Variants in DNAH1 observed in about 807,000 individuals in gnomAD.
DNAH1 encodes the protein dynein axonemal heavy chain 1.
Under a neutral mutation model 484.3 loss-of-function variants are expected in DNAH1, and 327 were observed. The observed-to-expected ratio is 0.68, with a 90% CI of 0.62 to 0.74. The LOEUF is 0.74. Among genes scored for constraint, DNAH1 ranks in the 30% least tolerant of loss-of-function variants. The pLI is 0.00. For synonymous variants in DNAH1, 2,192 were observed against 2,191.9 expected (o/e 1.00, Z 0.00); for missense variants, 5,052 against 5,546.8 (o/e 0.91, Z 2.83).
Position 52,366,790 on chromosome 3 carries a change from G to A in DNAH1, c.5668G>A (p.Gly1890Ser). The change falls in exon 36 of 78, where the codon GGT (glycine) becomes AGT (serine). Residue 1890 changes from glycine (G) to serine (S), a missense_variant. Physicochemically the swap from Gly to Ser is moderately conservative, Grantham distance 56. Transcript: ENST00000420323. ...ACTGAAAGGGCAGCCATCCATCAGT[G>A]GTGGCATGTACGAGGCTGTCAACTA... ...TSLKGQPSIS[G>S]GMYEAVNYYV... 1 of 1,613,900 alleles carries A rather than the reference G, an allele frequency of 6.2e-7. No homozygotes were observed. Among genetic ancestry groups the A allele is most frequent in the Non-Finnish European group, 8.5e-7 (1 of 1,179,844 alleles).
At chr3:52,323,970 T>C (rs910350935) in intron 3 of DNAH1, 90 bp downstream of exon 3, 2 of 1,003,066 alleles carry the variant, frequency 2.0e-6, no homozygotes, top group African/African-American at 1.6e-5. Flanking sequence ...TTCTTGGCTG[T>C]GGGCCCCAGC....
In DNAH1 at chr3:52,391,244, C is replaced by T. The variant is rs199553284; in HGVS notation, c.9807C>T (p.Asn3269=). Residue 3269 remains asparagine, a synonymous_variant, in exon 62 of 78, where the codon AAC becomes AAT. Transcript: ENST00000420323. The part of the protein sequence containing the change: ...SDRDFLRSME[N]AIRFGKPCLL... ...GCGACTTCCTGCGCAGCATGGAGAA[C>T]GCCATCCGCTTTGGCAAGCCATGTC... The T allele has an allele frequency of 4.7e-4, 759 of 1,613,748 alleles. 2 individuals are homozygous for T. In the African/African-American group the frequency reaches 7.8e-3, roughly 17 times the overall value.
intron 65 of DNAH1, 93 bp from the exon 66 acceptor site, chr3:52,393,241 C>G: frequency 6.3e-7 from 1 of 1,575,708 alleles, no homozygotes; most frequent in Non-Finnish European, 8.7e-7. Flanking sequence ...GCTGCCCCTA[C>G]GGCTGCTGGG....
chr3:52,348,219 G>T (rs1702226116), intron 12 of DNAH1, among the ~76,000 whole-genome samples: 1 of 152,212 alleles, frequency 6.6e-6, no homozygotes, highest in South Asian at 2.1e-4. Flanking sequence ...TTGTGTAGCT[G>T]CTAATGTCAG....
chr3:52,327,774 C>T (rs1447326449), intron 5 of DNAH1, 108 bp from the exon 6 acceptor site: 4 of 1,343,546 alleles, frequency 3.0e-6, no homozygotes, highest in Non-Finnish European at 4.1e-6. Context: ...GCAGCTCTCT[C>T]ACCTGGGGAG....
intron 65 of DNAH1, 90 bp from the exon 66 acceptor site, chr3:52,393,244 C>A: frequency 6.3e-7 from 1 of 1,582,138 alleles, no homozygotes; most frequent in South Asian, 1.1e-5. Context: ...GCCCCTACGG[C>A]TGCTGGGGAG....
chr3:52,360,234 C>A, intron 27 of DNAH1, 77 bp from the exon 28 acceptor site: 2 of 1,507,500 alleles, frequency 1.3e-6, no homozygotes, highest in Non-Finnish European at 1.8e-6. Context: ...CCAAAAAGAA[C>A]CCTCTCTCCT....
In DNAH1 at chr3:52,316,546, G is replaced by A. The variant is rs1700957479; in HGVS notation, c.-35+1G>A. On this transcript the variant is annotated splice_donor_variant, in intron 1 of 77. Transcript: ENST00000420323. LOFTEE classifies it low-confidence loss of function (5UTR_SPLICE). ...TTGCACCACCATCAGGTCTTGAAGG[G>A]TGAGTAGGAGTCCGCCAGATGCAGG... The A allele has an allele frequency of 6.6e-6, 1 of 152,296 alleles. No homozygotes were observed. The highest frequency in any genetic ancestry group is 2.1e-4 in the South Asian group (1 of 4,838). The allele number at this position is 152,296 out of a possible 1,614,324, so 9.4% of individuals were successfully genotyped here. A position where few individuals can be genotyped will look rare whatever the true frequency, so the allele number is the denominator to read the frequency against.
chr3:52,391,574 C>T lies in DNAH1; in HGVS notation c.10023C>T (p.Leu3341=). 1 of 1,613,880 alleles carries T rather than the reference C, an allele frequency of 6.2e-7. No homozygotes were observed. Among genetic ancestry groups the T allele is most frequent in the Non-Finnish European group, 8.5e-7 (1 of 1,179,860 alleles). Residue 3341 remains leucine, a synonymous_variant, in exon 63 of 78, where the codon CTC becomes CTT. Coordinates refer to ENST00000420323, the MANE Select transcript of DNAH1 (RefSeq NM_015512.5). The part of the protein sequence containing the change: ...PHYTPEISTK[L]TLINFTLSPS... Reference sequence around the variant, plus strand: ...ACACGCCCGAGATCTCCACCAAACTCACCCTCATCAACTTCACCCTGTCGC... The same window carrying T: ...ACACGCCCGAGATCTCCACCAAACTTACCCTCATCAACTTCACCCTGTCGC...
At chr3:52,374,312 C>T (rs776305330) in intron 44 of DNAH1, 3 of 1,536,168 alleles carry the variant, frequency 2.0e-6, no homozygotes, top group Admixed American at 3.3e-5. Context: ...GAAGGTGTTA[C>T]TACCTTTGCA....
At chr3:52,334,187 A>G (rs1366305922) in intron 8 of DNAH1, among the ~76,000 whole-genome samples, 1 of 152,230 alleles carries the variant, frequency 6.6e-6, no homozygotes, top group African/African-American at 2.4e-5. Context: ...AAACCTATAC[A>G]GGCTGTGATT....
rs571987789 is a variant in DNAH1, at chr3:52,353,584, G to C, written c.3431G>C (p.Ser1144Thr). 1.2e-6 allele frequency: 2 copies of C among 1,611,578 alleles called. No individual in the cohort carries two copies. Among genetic ancestry groups the C allele is most frequent in the Non-Finnish European group, 1.7e-6 (2 of 1,178,992 alleles). Residue 1144 changes from serine (S) to threonine (T), a missense_variant, in exon 20 of 78, where the codon AGC becomes ACC. By Grantham distance (58) the Ser-to-Thr change is moderately conservative (BLOSUM62 1). Transcript: ENST00000420323. The surrounding 1 kb of genome is among the most constrained non-coding windows in gnomAD (Gnocchi z 5.0). ...ATGAACCTGCAGGACCATATCGAGAGCATCAGCAAGGTGGCTGAGGTGGCT... is the reference window on the plus strand; with the variant it reads ...ATGAACCTGCAGGACCATATCGAGACCATCAGCAAGGTGGCTGAGGTGGCT... ...LEMNLQDHIESISKVAEVAGK... is the reference protein window; with the variant it reads ...LEMNLQDHIETISKVAEVAGK...
rs879505967 is a variant in DNAH1 at position 52,325,626 on chromosome 3, C to T, written c.407-514C>T. Among the ~76,000 whole-genome samples the T allele has an allele frequency of 7.9e-5, 12 of 152,302 alleles. No homozygotes were observed. In the South Asian group the frequency reaches 8.3e-4, roughly 11 times the overall value. On this transcript the variant is annotated intron_variant, in intron 3 of 77. Transcript: ENST00000420323. ...CTGTATACCCTGCTCATCTAAGTAG[C>T]GGCAGTCATTTTTTGACTTGAGGGT...
In DNAH1 at chr3:52,361,235, G is replaced by A; in HGVS notation, c.4757G>A (p.Gly1586Asp). The A allele has an allele frequency of 1.2e-6, 2 of 1,612,998 alleles. No individual in the cohort carries two copies. Among genetic ancestry groups the A allele is most frequent in the Non-Finnish European group, 1.7e-6 (2 of 1,179,648 alleles). Reference protein sequence around the residue: ...GGAPAGPAGTGKTETTKDLGK... With the variant: ...GGAPAGPAGTDKTETTKDLGK... Reference sequence around the variant, plus strand: ...GCCCCAGCTGGCCCAGCTGGCACAGGCAAAACTGAGACCACCAAAGACCTG... The same window carrying A: ...GCCCCAGCTGGCCCAGCTGGCACAGACAAAACTGAGACCACCAAAGACCTG... The change falls in exon 29 of 78, where the codon GGC (glycine) becomes GAC (aspartate). Residue 1586 changes from glycine (G) to aspartate (D), a missense_variant. Transcript: ENST00000420323. This position sits in a 1 kb window ranked among gnomAD's most constrained non-coding sequence, Gnocchi z 5.6.
chr3:52,388,060 A>C, intron 56 of DNAH1, 107 bp from the exon 57 acceptor site: 1 of 1,402,344 alleles, frequency 7.1e-7, no homozygotes, highest in Non-Finnish European at 9.7e-7. Context: ...AGGCCTGCAC[A>C]GGGCATAAAA....
At chr3:52,343,061 G>A (rs761960012) in intron 8 of DNAH1, among the ~76,000 whole-genome samples, 1 of 152,166 alleles carries the variant, frequency 6.6e-6, no homozygotes, top group African/African-American at 2.4e-5. Context: ...CAGAAGCTCC[G>A]TGAGGACAGC....
rs61731651 is a variant in DNAH1, at chr3:52,353,146, T to G, written c.3071T>G (p.Leu1024Arg). 2.2e-5 allele frequency: 36 copies of G among 1,613,992 alleles called. No homozygotes were observed. In the African/African-American group the frequency reaches 4.3e-4, roughly 19 times the overall value. ...ATGGTGAAGGAGTTCCAACCCTACC[T>G]GGACCTTTGGACCACAGCGTCTGAC... ...SRMVKEFQPYLDLWTTASDWL... is the reference protein window; with the variant it reads ...SRMVKEFQPYRDLWTTASDWL... The change falls in exon 19 of 78, where the codon CTG (leucine) becomes CGG (arginine). Residue 1024 changes from leucine to arginine, a missense_variant. By Grantham distance (102) the Leu-to-Arg change is moderately radical. Transcript: ENST00000420323. This position sits in a 1 kb window ranked among gnomAD's most constrained non-coding sequence, Gnocchi z 5.0.
At chr3:52,354,270 C>CA (rs1188972219) in intron 20 of DNAH1, among the ~76,000 whole-genome samples, 1 of 152,182 alleles carries the variant, frequency 6.6e-6, no homozygotes, top group Non-Finnish European at 1.5e-5. Context: ...GAGGTGAGAC[C>CA]AGCGCCCACA....
chr3:52,386,102 G>T, intron 54 of DNAH1, 58 bp from the exon 55 acceptor site: 1 of 1,535,802 alleles, frequency 6.5e-7, no homozygotes, highest in Non-Finnish European at 8.8e-7. Context: ...CATCTGGGGA[G>T]ACTAAGATGC....
Sources: allele counts gnomAD v4.1 joint callset (sites outside exome capture counted in the v4.1 genomes callset), GRCh38; gene constraint gnomAD v4.1.1; non-coding constraint Gnocchi (gnomAD v3.1); transcripts MANE v1.5; gene names NCBI Gene and HGNC (gene_info 2026-07-23, HGNC 2026-07-21).